ANGPTL1: variants seen among roughly 807,000 people sequenced by gnomAD.
The protein encoded by ANGPTL1 is angiopoietin like 1, also known as angiopoietin-related protein 1.
A neutral mutation model predicts 46.7 loss-of-function variants in ANGPTL1; 36 were observed. The observed-to-expected ratio is 0.77, with a 90% CI of 0.59 to 1.02. The LOEUF (loss-of-function observed/expected upper bound fraction) is 1.02. Ranked by LOEUF, ANGPTL1 falls within the 50% of genes least tolerant of loss-of-function variation. The pLI, the probability that ANGPTL1 is intolerant of heterozygous loss-of-function variation, is 0.00. For synonymous variants in ANGPTL1, 221 were observed against 204.3 expected, an observed-to-expected ratio of 1.08 and a Z score of -0.69; for missense variants, 571 against 594.7, an observed-to-expected ratio of 0.96 and a Z score of 0.41.
chr1:178,851,027 T>TGTA lies in ANGPTL1; in HGVS notation c.*99_*101dup. On this transcript the variant is annotated 3_prime_UTR_variant, in exon 6 of 6. Transcript: ENST00000234816. ...TAAAATTCATTTTAAAAACTTTCTG[T>TGTA]GTAGAAATAAATTGTGCCAAGTAAT... 8.9e-7 allele frequency: 1 copy of TGTA among 1,121,202 alleles called. No individual in the cohort carries two copies. The highest frequency in any genetic ancestry group is 2.6e-5 in the East Asian group (1 of 38,128). The allele number at this position is 1,121,202 out of a possible 1,614,324, so 69.5% of individuals were successfully genotyped here. A position where few individuals can be genotyped will look rare whatever the true frequency, so the allele number is the denominator to read the frequency against.
intron 2 of ANGPTL1, among the ~76,000 whole-genome samples, chr1:178,866,827 T>C (rs1220458567): frequency 1.3e-5 from 2 of 152,214 alleles, no homozygotes; most frequent in Non-Finnish European, 2.9e-5. Flanking sequence ...TCGTTTTTGC[T>C]GTAGCAGATG....
chr1:178,859,942 C>G (rs566785531), intron 3 of ANGPTL1, among the ~76,000 whole-genome samples: 1 of 151,574 alleles, frequency 6.6e-6, no homozygotes, highest in Non-Finnish European at 1.5e-5. Context: ...TGGTCTCGAT[C>G]TCCTGACCTC....
In ANGPTL1 at chr1:178,865,270, T is replaced by G; in HGVS notation, c.507A>C (p.Ala169=). The change falls in exon 3 of 6, where the codon GCA becomes GCC. Residue 169 remains alanine, a synonymous_variant. Transcript: ENST00000234816. ...LNVTTEMLKM[A]TRYRELEVKY... ...TCACCTCTAGTTCCCTGTATCTTGT[T>G]GCCATCTTCAACATTTCTGTGGTGA... is the stretch of plus-strand genomic sequence containing the variant. 6.2e-7 allele frequency: 1 copy of G among 1,614,106 alleles called. No individual in the cohort carries two copies. Among genetic ancestry groups the G allele is most frequent in the Non-Finnish European group, 8.5e-7 (1 of 1,179,986 alleles).
chr1:178,852,487 A>C (rs1331379626), intron 5 of ANGPTL1, among the ~76,000 whole-genome samples, 196 bp downstream of exon 5: 1 of 152,094 alleles, frequency 6.6e-6, no homozygotes, highest in African/African-American at 2.4e-5. Flanking sequence ...TTTGTTTTTC[A>C]CATAGATCAC....
chr1:178,861,807 C>A (rs993434701), intron 3 of ANGPTL1, among the ~76,000 whole-genome samples: 12 of 152,152 alleles, frequency 7.9e-5, no homozygotes, highest in Non-Finnish European at 1.3e-4. Context: ...TATTTCTATA[C>A]CCAGTGGGTC....
chr1:178,862,831 CTT>C (rs1351959962), intron 3 of ANGPTL1, among the ~76,000 whole-genome samples: 1 of 152,066 alleles, frequency 6.6e-6, no homozygotes, highest in Non-Finnish European at 1.5e-5. Flanking sequence ...GCAAATTGGA[CTT>C]TTTCTGTTTG....
At chr1:178,860,203 T>A (rs1271063911) in intron 3 of ANGPTL1, among the ~76,000 whole-genome samples, 1 of 152,178 alleles carries the variant, frequency 6.6e-6, no homozygotes, top group Non-Finnish European at 1.5e-5. Context: ...AATAAAAGAC[T>A]AACCCAAAAT....
chr1:178,864,351 AGG>A (rs1346124781), intron 3 of ANGPTL1, among the ~76,000 whole-genome samples: 1 of 152,078 alleles, frequency 6.6e-6, no homozygotes, highest in Non-Finnish European at 1.5e-5. Context: ...GGAAAATAGG[AGG>A]GATACCTTTT....
At chr1:178,856,198 GAGAGATATATAT>G (rs1657537035) in intron 3 of ANGPTL1, among the ~76,000 whole-genome samples, 4 of 47,268 alleles carry the variant, frequency 8.5e-5, no homozygotes, top group African/African-American at 2.5e-4. Flanking sequence ...TCCAGAGAGA[GAGAGATATATAT>G]ATATATATAT....
At position 178,870,923 on chromosome 1, in the gene ANGPTL1, T is replaced by C. The variant is rs1658717645; in HGVS notation, c.-319A>G. The C allele has an allele frequency of 6.6e-6, 1 of 152,132 alleles. No homozygotes were observed. The highest frequency in any genetic ancestry group is 6.6e-5 in the Admixed American group (1 of 15,252). The allele number at this position is 152,132 out of a possible 1,614,324, so 9.4% of individuals were successfully genotyped here. ...CTTTTACAATACTAATCAATTGAATTTGACAAGCCACCTATGTAATTTTAA... is the reference window on the plus strand; with the variant it reads ...CTTTTACAATACTAATCAATTGAATCTGACAAGCCACCTATGTAATTTTAA... On this transcript the variant is annotated 5_prime_UTR_variant, in exon 1 of 6. Transcript: ENST00000234816.
At chr1:178,852,459 GT>G (rs1657236968) in intron 5 of ANGPTL1, among the ~76,000 whole-genome samples, 1 of 152,050 alleles carries the variant, frequency 6.6e-6, no homozygotes, top group African/African-American at 2.4e-5. Context: ...GTTTTGCTTT[GT>G]GTTTTTTTCC....
intron 3 of ANGPTL1, among the ~76,000 whole-genome samples, chr1:178,862,212 T>TA (rs1241408590): frequency 2.6e-5 from 4 of 152,092 alleles, no homozygotes; most frequent in African/African-American, 9.7e-5. Context: ...AATTTAATGA[T>TA]ACTCTGGCCT....
chr1:178,865,655 T>C lies in ANGPTL1; in HGVS notation c.122A>G (p.Asp41Gly), dbSNP rs758857810. The C allele has an allele frequency of 1.2e-6, 2 of 1,614,102 alleles. No individual in the cohort carries two copies. Among genetic ancestry groups the C allele is most frequent in the African/African-American group, 1.3e-5 (1 of 75,044 alleles). Residue 41 changes from aspartate to glycine, a missense_variant, in exon 3 of 6, where the codon GAT (aspartate) becomes GGT (glycine). Physicochemically the swap from Asp to Gly is moderately conservative, Grantham distance 94. Coordinates refer to ENST00000234816, the MANE Select transcript of ANGPTL1 (RefSeq NM_004673.4). The part of the protein sequence containing the change: ...INQRRYPRAT[D>G]GKEEAKKCAY... ...ACATTTCTTTGCTTCCTCTTTACCATCTGTGGCACGAGGGTATCTTCTCTG... is the reference window on the plus strand; with the variant it reads ...ACATTTCTTTGCTTCCTCTTTACCACCTGTGGCACGAGGGTATCTTCTCTG...
rs1419614627 is a variant in ANGPTL1, at chr1:178,870,883, A to G, written c.-279T>C. 1 of 152,182 alleles carries G rather than the reference A, an allele frequency of 6.6e-6. No individual in the cohort carries two copies. Among genetic ancestry groups the G allele is most frequent in the Non-Finnish European group, 1.5e-5 (1 of 68,022 alleles). The allele number at this position is 152,182 out of a possible 1,614,324, so 9.4% of individuals were successfully genotyped here. On this transcript the variant is annotated 5_prime_UTR_variant, in exon 1 of 6. Coordinates refer to ENST00000234816, the MANE Select transcript of ANGPTL1 (RefSeq NM_004673.4). ...GGACCGTTGAATCCAAGCTGTAAGA[A>G]GGAACTTCTTTTTCCTTTTACAATA...
intron 2 of ANGPTL1, among the ~76,000 whole-genome samples, chr1:178,866,142 T>C (rs1403654039): frequency 6.6e-6 from 1 of 152,140 alleles, no homozygotes; most frequent in East Asian, 1.9e-4. Flanking sequence ...CCTGATAAGA[T>C]AGCTTTCTTA....
chr1:178,868,137 CT>C (rs1658534757), intron 2 of ANGPTL1, among the ~76,000 whole-genome samples: 3 of 151,664 alleles, frequency 2.0e-5, no homozygotes, highest in Non-Finnish European at 4.4e-5. Context: ...GTTTTCATAC[CT>C]TGCTTTCTGA....
chr1:178,863,582 A>G (rs1246564790), intron 3 of ANGPTL1, among the ~76,000 whole-genome samples: 3 of 152,214 alleles, frequency 2.0e-5, no homozygotes, highest in African/African-American at 4.8e-5. Context: ...CAGTAAAGAA[A>G]GCAGTAGCAT....
chr1:178,864,618 GA>G (rs1443709977), intron 3 of ANGPTL1, among the ~76,000 whole-genome samples: 1 of 152,172 alleles, frequency 6.6e-6, no homozygotes, highest in African/African-American at 2.4e-5. Context: ...GACCTAGCTA[GA>G]AGCTGATAGG....
rs1179321212 is a variant in ANGPTL1 at position 178,850,955 on chromosome 1, TGAC to T, written c.*171_*173del. On this transcript the variant is annotated 3_prime_UTR_variant, in exon 6 of 6. Transcript: ENST00000234816. ...GATACACATAATTTTCTGCAGTAAT[TGAC>T]GACAGATGAAACTACATTTATAGGT... 4 of 499,954 alleles carry T rather than the reference TGAC, an allele frequency of 8.0e-6. No homozygotes were observed. The highest frequency in any genetic ancestry group is 4.1e-5 in the Admixed American group (1 of 24,520). The allele number at this position is 499,954 out of a possible 1,614,324, so 31.0% of individuals were successfully genotyped here. A position where few individuals can be genotyped will look rare whatever the true frequency, so the allele number is the denominator to read the frequency against.
Sources: allele counts gnomAD v4.1 joint callset (sites outside exome capture counted in the v4.1 genomes callset), GRCh38; gene constraint gnomAD v4.1.1; transcripts MANE v1.5; gene names NCBI Gene and HGNC (gene_info 2026-07-23, HGNC 2026-07-21).